Variants in PTCHD1 observed in about 807,000 individuals in gnomAD.
PTCHD1 encodes patched domain-containing protein 1.
In PTCHD1, 3 loss-of-function variants were observed where a neutral mutation model predicts 34.6. The ratio of observed to expected loss-of-function variants is 0.09; its 90% CI spans 0.04 to 0.22. PTCHD1 has a LOEUF of 0.22. Among genes scored for constraint, PTCHD1 ranks in the 10% least tolerant of loss-of-function variants. The pLI is 1.00. For missense variants in PTCHD1, 504 were observed against 685.5 expected (o/e 0.74, Z 2.96); for synonymous variants, 305 against 283.1 (o/e 1.08, Z -0.77).
intron 1 of PTCHD1, among the ~76,000 whole-genome samples, chrX:23,377,257 G>A (rs1456569191): frequency 2.7e-5 from 3 of 112,047 alleles, no homozygotes; most frequent in African/African-American, 9.8e-5. Context: ...TTACACTTAG[G>A]CATGCTTTCA....
chrX:23,346,254 G>A (rs1231244698), intron 1 of PTCHD1, among the ~76,000 whole-genome samples: 1 of 112,074 alleles, frequency 8.9e-6, no homozygotes, highest in Non-Finnish European at 1.9e-5. Context: ...CAAAACCCTT[G>A]TTAAAGAATG....
chrX:23,386,941 G>A (rs956533187), intron 2 of PTCHD1, among the ~76,000 whole-genome samples: 4 of 112,322 alleles, frequency 3.6e-5, no homozygotes, highest in Non-Finnish European at 5.6e-5. Context: ...AGGAAATCCT[G>A]CTAGTGTGGA....
chrX:23,340,341 G>A (rs1280507119), intron 1 of PTCHD1, among the ~76,000 whole-genome samples: 1 of 111,668 alleles, frequency 9.0e-6, no homozygotes, highest in Admixed American at 9.5e-5. Flanking sequence ...TGCTCTCTTC[G>A]ATGGCTCTGT....
At chrX:23,370,831 A>G (rs1298321644) in intron 1 of PTCHD1, among the ~76,000 whole-genome samples, 1 of 111,754 alleles carries the variant, frequency 8.9e-6, no homozygotes, top group Non-Finnish European at 1.9e-5. Context: ...GATTTTTTTC[A>G]TAAGTTAAAA....
chrX:23,341,410 C>G (rs1180372040), intron 1 of PTCHD1, among the ~76,000 whole-genome samples: 1 of 112,575 alleles, frequency 8.9e-6, no homozygotes, highest in Non-Finnish European at 1.9e-5. Flanking sequence ...AGTCCCTTGG[C>G]ACAAAAGCCA....
intron 1 of PTCHD1, among the ~76,000 whole-genome samples, chrX:23,374,624 T>G (rs187317104): frequency 0.011 from 1,179 of 109,538 alleles, 20 homozygotes; most frequent in African/African-American, 0.037. Context: ...TTTTTTCCAG[T>G]AAACCTATAT....
intron 1 of PTCHD1, among the ~76,000 whole-genome samples, chrX:23,337,769 C>T (rs903715084): frequency 9.0e-6 from 1 of 111,158 alleles, no homozygotes; most frequent in Admixed American, 9.6e-5. Flanking sequence ...CTTTTTCATA[C>T]CCCAGTACAG....
rs1221479006 is a variant in PTCHD1, at chrX:23,354,629, G to A, written c.351+19403G>A. Among the ~76,000 whole-genome samples the A allele has an allele frequency of 2.9e-5, 3 of 101,870 alleles. No homozygotes were observed. In the East Asian group the frequency reaches 9.1e-4, roughly 31 times the overall value. 88.5% of individuals were successfully genotyped at this position (101,870 alleles called of 115,157 possible). A position where few individuals can be genotyped will look rare whatever the true frequency, so the allele number is the denominator to read the frequency against. ...GCTCTGTCTCCCAGGCTGGAGTGCA[G>A]TGGCGCCATCTCAGCTCACTGCAAC... On this transcript the variant is annotated intron_variant, in intron 1 of 2. Coordinates refer to ENST00000379361, the MANE Select transcript of PTCHD1 (RefSeq NM_173495.3).
At chrX:23,336,165 T>C (rs1266635361) in intron 1 of PTCHD1, among the ~76,000 whole-genome samples, 1 of 111,606 alleles carries the variant, frequency 9.0e-6, no homozygotes, top group Non-Finnish European at 1.9e-5. Flanking sequence ...TGGTGGTAAC[T>C]TTCAGGAACT....
At chrX:23,360,573 A>G (rs1196163129) in intron 1 of PTCHD1, among the ~76,000 whole-genome samples, 2 of 110,404 alleles carry the variant, frequency 1.8e-5, no homozygotes, top group African/African-American at 6.6e-5. Flanking sequence ...TGGTCTATCT[A>G]TTTTGTTGAT....
At chrX:23,350,779 G>A (rs1345430883) in intron 1 of PTCHD1, among the ~76,000 whole-genome samples, 1 of 110,884 alleles carries the variant, frequency 9.0e-6, no homozygotes, top group Non-Finnish European at 1.9e-5. Context: ...AGAGAAGTCA[G>A]AAGAACACTG....
chrX:23,367,221 A>G (rs1243225385), intron 1 of PTCHD1, among the ~76,000 whole-genome samples: 1 of 112,221 alleles, frequency 8.9e-6, no homozygotes, highest in East Asian at 2.8e-4. Flanking sequence ...GAGTAAATGC[A>G]TCATTGCTAT....
At chrX:23,391,190 C>G (rs1397488936) in intron 2 of PTCHD1, among the ~76,000 whole-genome samples, 2 of 111,715 alleles carry the variant, frequency 1.8e-5, no homozygotes, top group Non-Finnish European at 1.9e-5. Flanking sequence ...TCTGCTATTT[C>G]AGTATTGCTG....
intron 2 of PTCHD1, among the ~76,000 whole-genome samples, chrX:23,391,053 T>C (rs1334801031): frequency 9.0e-6 from 1 of 111,719 alleles, no homozygotes; most frequent in Non-Finnish European, 1.9e-5. Flanking sequence ...AATGTTGCAG[T>C]GGCCTGGAAA....
At chrX:23,381,985 G>A (rs1328407297) in intron 2 of PTCHD1, among the ~76,000 whole-genome samples, 5 of 111,716 alleles carry the variant, frequency 4.5e-5, no homozygotes, top group Non-Finnish European at 7.5e-5. Flanking sequence ...TGTTTTGGGG[G>A]TTACGGGAAG....
intron 1 of PTCHD1, among the ~76,000 whole-genome samples, chrX:23,366,576 T>C (rs1018707118): frequency 8.9e-6 from 1 of 111,878 alleles, no homozygotes; most frequent in Non-Finnish European, 1.9e-5. Flanking sequence ...TAATTAACTC[T>C]TCCTCATTCT....
chrX:23,371,227 T>C (rs1922269962), intron 1 of PTCHD1, among the ~76,000 whole-genome samples: 1 of 112,154 alleles, frequency 8.9e-6, no homozygotes, highest in Non-Finnish European at 1.9e-5. Context: ...ATTAAAAATC[T>C]AAATTCACTG....
chrX:23,335,277 G>A, intron 1 of PTCHD1, 51 bp downstream of exon 1: 1 of 1,033,319 alleles, frequency 9.7e-7, no homozygotes, highest in Non-Finnish European at 1.4e-6. Context: ...GGCCGCGGTC[G>A]GGCTGGCTCT....
At chrX:23,355,081 T>C (rs780320766) in intron 1 of PTCHD1, among the ~76,000 whole-genome samples, 5 of 108,465 alleles carry the variant, frequency 4.6e-5, no homozygotes, top group Non-Finnish European at 9.6e-5. Context: ...AGGTATGGAG[T>C]GTGGTTGCTC....
Sources: gnomAD v4.1 joint callset for allele counts (sites outside exome capture counted in the v4.1 genomes callset) on GRCh38, gnomAD v4.1.1 for gene constraint, MANE v1.5 for transcripts, NCBI Gene and HGNC (gene_info 2026-07-23, HGNC 2026-07-21) for gene names.